The following SGCD variants were observed in gnomAD, a reference collection of about 807,000 sequenced individuals.
SGCD encodes the protein sarcoglycan delta.
A neutral mutation model predicts 36.6 loss-of-function variants in SGCD; 18 were observed. That is an observed-to-expected ratio of 0.49 (90% CI 0.34 to 0.73). SGCD has a LOEUF of 0.73. Among genes scored for constraint, SGCD ranks in the 30% least tolerant of loss-of-function variants. The pLI, the probability that SGCD is intolerant of heterozygous loss-of-function variation, is 0.01. For synonymous variants in SGCD, 133 were observed against 130.6 expected, an observed-to-expected ratio of 1.02 and a Z score of -0.12; for missense variants, 387 against 346.7, an observed-to-expected ratio of 1.12 and a Z score of -0.92.
intron 4 of SGCD, among the ~76,000 whole-genome samples, chr5:156,583,698 T>C (rs1172933684): frequency 6.6e-6 from 1 of 152,208 alleles, no homozygotes; most frequent in Non-Finnish European, 1.5e-5. Context: ...ACCAGATATC[T>C]GGACATACCA....
chr5:156,008,655 C>T (rs1181960069), intron 1 of SGCD, among the ~76,000 whole-genome samples: 1 of 152,192 alleles, frequency 6.6e-6, no homozygotes, highest in East Asian at 1.9e-4. Context: ...GGTTTACAGG[C>T]ATGAACCATG....
chr5:155,864,419 A>G, the SGCD span, among the ~76,000 whole-genome samples: 3 of 152,174 alleles, frequency 2.0e-5, no homozygotes, highest in Admixed American at 6.5e-5. Context: ...AAAGGGTGAC[A>G]TCGGTGGAGG....
chr5:156,274,976 T>C (rs1254703306), intron 3 of SGCD, among the ~76,000 whole-genome samples: 1 of 152,166 alleles, frequency 6.6e-6, no homozygotes, highest in African/African-American at 2.4e-5. Context: ...TTAGGCTGAG[T>C]AAAATGTCAG....
At chr5:156,475,107 A>C (rs1325585538) in intron 3 of SGCD, among the ~76,000 whole-genome samples, 2 of 152,148 alleles carry the variant, frequency 1.3e-5, no homozygotes, top group Non-Finnish European at 2.9e-5. Context: ...GCCTCTGACT[A>C]TTCAATAAGT....
At chr5:155,905,616 TCC>T (rs920729922) in intron 1 of SGCD, among the ~76,000 whole-genome samples, 6 of 152,110 alleles carry the variant, frequency 3.9e-5, no homozygotes, top group Non-Finnish European at 8.8e-5. Flanking sequence ...TTTGGCTGTG[TCC>T]CCAGCCAAGT....
At chr5:156,296,702 G>A (rs756377304) in intron 3 of SGCD, among the ~76,000 whole-genome samples, 16 of 152,160 alleles carry the variant, frequency 1.1e-4, no homozygotes, top group Middle Eastern at 3.4e-3. Flanking sequence ...TTAATTTGTG[G>A]CATAACATAT....
At chr5:155,799,221 T>C in the SGCD span, among the ~76,000 whole-genome samples, 1 of 152,150 alleles carries the variant, frequency 6.6e-6, no homozygotes, top group African/African-American at 2.4e-5. Flanking sequence ...ATCTGAACAA[T>C]TGTCTTGTTA....
chr5:156,106,489 T>G (rs1761653189), intron 1 of SGCD, among the ~76,000 whole-genome samples: 1 of 152,238 alleles, frequency 6.6e-6, no homozygotes, highest in Non-Finnish European at 1.5e-5. Context: ...ACTATCAAGC[T>G]GATTTTAATC....
chr5:156,604,584 T>A (rs1761339314), intron 6 of SGCD, among the ~76,000 whole-genome samples: 1 of 151,716 alleles, frequency 6.6e-6, no homozygotes, highest in Non-Finnish European at 1.5e-5. Context: ...ACAATTTAAT[T>A]CCAGTCACAT....
chr5:156,543,286 A>T (rs1177340992), intron 4 of SGCD, among the ~76,000 whole-genome samples: 1 of 152,192 alleles, frequency 6.6e-6, no homozygotes, highest in Non-Finnish European at 1.5e-5. Flanking sequence ...TCTGCCTGAT[A>T]TGCCTCCCTC....
the SGCD span, among the ~76,000 whole-genome samples, chr5:155,865,290 G>A: frequency 9.2e-5 from 14 of 152,058 alleles, no homozygotes; most frequent in African/African-American, 3.1e-4. Flanking sequence ...AATGTGGAAA[G>A]AGCAGCATTG....
At chr5:156,288,747 G>T (rs1405238663) in intron 3 of SGCD, among the ~76,000 whole-genome samples, 1 of 151,984 alleles carries the variant, frequency 6.6e-6, no homozygotes, top group Non-Finnish European at 1.5e-5. Flanking sequence ...CAGATATCCA[G>T]CATTTGTTCC....
chr5:156,015,361 TTCTG>T (rs1002048172), intron 1 of SGCD, among the ~76,000 whole-genome samples: 1 of 152,188 alleles, frequency 6.6e-6, no homozygotes, highest in African/African-American at 2.4e-5. Flanking sequence ...AAGGTGATTC[TTCTG>T]TCCTTTTTAT....
At chr5:155,798,923 G>T in the SGCD span, among the ~76,000 whole-genome samples, 5 of 152,170 alleles carry the variant, frequency 3.3e-5, no homozygotes, top group African/African-American at 4.8e-5. Context: ...ACCTGGGGAA[G>T]AACTTTATGC....
the SGCD span, among the ~76,000 whole-genome samples, chr5:155,793,908 C>A: frequency 4.6e-5 from 6 of 131,524 alleles, no homozygotes; most frequent in Non-Finnish European, 9.5e-5. Flanking sequence ...TTCCCCTCAA[C>A]ATATTTGCTG....
intron 1 of SGCD, among the ~76,000 whole-genome samples, chr5:155,891,421 T>C (rs1006195932): frequency 6.6e-6 from 1 of 152,162 alleles, no homozygotes; most frequent in African/African-American, 2.4e-5. Context: ...GTTGGGCTTA[T>C]TAAGCTCCCT....
intron 1 of SGCD, among the ~76,000 whole-genome samples, chr5:156,011,970 T>G (rs1222313702): frequency 6.6e-6 from 1 of 152,208 alleles, no homozygotes; most frequent in Non-Finnish European, 1.5e-5. Context: ...TTTGTGGATA[T>G]GAAAACATAA....
intron 4 of SGCD, among the ~76,000 whole-genome samples, chr5:156,546,510 T>C (rs1185296055): frequency 1.3e-5 from 2 of 152,214 alleles, no homozygotes; most frequent in African/African-American, 2.4e-5. Context: ...AATATACTTA[T>C]TTAACCTCCA....
rs778298187 is a variant in SGCD, at chr5:156,508,581, A to T, written c.193-20A>T. The T allele has an allele frequency of 3.3e-6, 5 of 1,496,530 alleles. No individual in the cohort carries two copies. Among genetic ancestry groups the T allele is most frequent in the Non-Finnish European group, 4.7e-6 (5 of 1,073,890 alleles). The allele number at this position is 1,496,530 out of a possible 1,614,324, so 92.7% of individuals were successfully genotyped here. A position where few individuals can be genotyped will look rare whatever the true frequency, so the allele number is the denominator to read the frequency against. ...TTTGGCTAATCATATCTTCCTTGTT[A>T]TCTCTGTGTTCTATTTCAGGATGGA... On this transcript the variant is annotated intron_variant, in intron 3 of 8. Coordinates refer to ENST00000337851, the MANE Select transcript of SGCD (RefSeq NM_000337.6).
Sources: gnomAD v4.1 joint callset for allele counts (sites outside exome capture counted in the v4.1 genomes callset) on GRCh38, gnomAD v4.1.1 for gene constraint, MANE v1.5 for transcripts, NCBI Gene and HGNC (gene_info 2026-07-23, HGNC 2026-07-21) for gene names.